The following ANKRD30B variants were observed in gnomAD, a reference collection of about 807,000 sequenced individuals.
ANKRD30B encodes the protein ankyrin repeat domain 30B.
In ANKRD30B, 144 loss-of-function variants were observed where a neutral mutation model predicts 202.2. That is an observed-to-expected ratio of 0.71 (90% CI 0.62 to 0.82). The LOEUF is 0.82. ANKRD30B is among the 40% of genes least tolerant of loss of function. The pLI is 0.00. For missense variants in ANKRD30B, 1,487 were observed against 1,669.1 expected (o/e 0.89, Z 1.90); for synonymous variants, 508 against 561.3 (o/e 0.91, Z 1.34).
At chr18:14,889,939 G>C in the ANKRD30B span, 1 of 653,354 alleles carries the variant, frequency 1.5e-6, no homozygotes, top group South Asian at 1.9e-5. Context: ...GAGATATTTC[G>C]ACAAAAATGA....
chr18:14,761,706 A>G (rs2143713479), intron 6 of ANKRD30B, among the ~76,000 whole-genome samples: 1 of 152,040 alleles, frequency 6.6e-6, no homozygotes, highest in Admixed American at 6.5e-5. Flanking sequence ...ATGAAGAAAC[A>G]TGGTTTTATT....
intron 1 of ANKRD30B, 21 bp downstream of exon 1, chr18:14,748,661 C>T (rs769007130): frequency 1.3e-6 from 2 of 1,517,446 alleles, no homozygotes; most frequent in Non-Finnish European, 1.8e-6. Flanking sequence ...CTGCCTGAGC[C>T]GGGGCTGCAG....
chr18:14,767,892 G>C (rs1471319754), intron 7 of ANKRD30B, among the ~76,000 whole-genome samples: 25 of 152,168 alleles, frequency 1.6e-4, no homozygotes, highest in Admixed American at 1.6e-3. Context: ...TGAAATCACA[G>C]AAATCAAAAC....
intron 32 of ANKRD30B, chr18:14,825,138 AC>A (rs2144130910): frequency 6.6e-6 from 1 of 152,352 alleles, no homozygotes; most frequent in African/African-American, 2.4e-5. Context: ...CTGAGCAGGC[AC>A]CAATGACTTA....
the ANKRD30B span, among the ~76,000 whole-genome samples, chr18:14,875,759 A>G: frequency 1.3e-5 from 2 of 152,322 alleles, no homozygotes; most frequent in South Asian, 2.1e-4. Context: ...ATGAAGCAGT[A>G]TCATACAGGA....
the ANKRD30B span, among the ~76,000 whole-genome samples, chr18:14,899,908 T>A: frequency 6.6e-6 from 1 of 152,176 alleles, no homozygotes; most frequent in Admixed American, 6.5e-5. Context: ...TACATAATAG[T>A]GAACATCATT....
At position 14,829,166 on chromosome 18, in the gene ANKRD30B, C is replaced by A. The variant is rs1304778852; in HGVS notation, c.2774+858C>A. The stretch of plus-strand genomic sequence containing the variant: ...ATTTCTTTCTGCCAGCCCCATTTTT[C>A]TATAGCTAAAATTAAAGCACATGGA... On this transcript the variant is annotated intron_variant, in intron 33 of 43. Transcript: ENST00000690538. Among the ~76,000 whole-genome samples, 4 of 151,950 alleles carry A rather than the reference C, an allele frequency of 2.6e-5. No homozygotes were observed. The East Asian group carries it at 7.7e-4, about 29-fold the overall frequency.
At chr18:14,855,664 A>G (rs1568081766), downstream of ANKRD30B, among the ~76,000 whole-genome samples, 2 of 147,968 alleles carry the variant, frequency 1.4e-5, no homozygotes, top group Non-Finnish European at 3.0e-5. Flanking sequence ...CACATCCCAG[A>G]CGATGGGCGG....
chr18:14,916,288 G>T, the ANKRD30B span, among the ~76,000 whole-genome samples: 1 of 152,222 alleles, frequency 6.6e-6, no homozygotes, highest in South Asian at 2.1e-4. Context: ...CGTCAGGGAG[G>T]GGGCAGATGT....
chr18:14,752,523 A>G, intron 1 of ANKRD30B, 43 bp from the exon 2 acceptor site: 4 of 1,451,130 alleles, frequency 2.8e-6, no homozygotes, highest in Admixed American at 2.0e-5. Flanking sequence ...ATGTTTTGAG[A>G]CAGTGGGCTA....
At chr18:14,758,498 G>T (rs1377161038) in intron 5 of ANKRD30B, among the ~76,000 whole-genome samples, 2 of 152,182 alleles carry the variant, frequency 1.3e-5, no homozygotes, top group African/African-American at 4.8e-5. Context: ...TACTAACACA[G>T]ATCCCTCAGT....
intron 9 of ANKRD30B, among the ~76,000 whole-genome samples, chr18:14,776,266 G>A (rs1394883745): frequency 6.6e-6 from 1 of 152,152 alleles, no homozygotes; most frequent in African/African-American, 2.4e-5. Context: ...TCCAAGATGA[G>A]GGATTATGCT....
the ANKRD30B span, among the ~76,000 whole-genome samples, chr18:14,937,504 T>G: frequency 6.6e-6 from 1 of 152,262 alleles, no homozygotes; most frequent in Non-Finnish European, 1.5e-5. Context: ...CTCCAGCCTC[T>G]GATGGACTGC....
intron 15 of ANKRD30B, among the ~76,000 whole-genome samples, chr18:14,788,649 G>GT (rs1298122097): frequency 1.3e-5 from 2 of 151,750 alleles, no homozygotes; most frequent in African/African-American, 4.8e-5. Flanking sequence ...GCGGTGTTTG[G>GT]TTTTTTGTTG....
chr18:14,748,406 A>G lies in ANKRD30B; in HGVS notation c.-14A>G, dbSNP rs1187356641. 1.0e-5 allele frequency: 15 copies of G among 1,465,402 alleles called. No homozygotes were observed. The highest frequency in any genetic ancestry group is 5.2e-5 in the Admixed American group (2 of 38,420). 90.8% of individuals were successfully genotyped at this position (1,465,402 alleles called of 1,614,324 possible). Reference sequence around the variant, plus strand: ...GCGGGAGGCGCGGGCTCTCTCTAGCAGGGGGCTGCAGCCATGAAGAGGCTC... The same window carrying G: ...GCGGGAGGCGCGGGCTCTCTCTAGCGGGGGGCTGCAGCCATGAAGAGGCTC... On this transcript the variant is annotated 5_prime_UTR_variant, in exon 1 of 44. Transcript: ENST00000690538.
chr18:14,817,758 C>T (rs1240983567), intron 30 of ANKRD30B, among the ~76,000 whole-genome samples: 1 of 152,110 alleles, frequency 6.6e-6, no homozygotes, highest in Non-Finnish European at 1.5e-5. Context: ...TCTGAGGTTT[C>T]TTCAGTGCTT....
rs34477667 is a variant in ANKRD30B at position 14,798,137 on chromosome 18, T to G, written c.2029+283T>G. On this transcript the variant is annotated intron_variant, in intron 20 of 43. Coordinates refer to ENST00000690538, the MANE Select transcript of ANKRD30B (RefSeq NM_001367607.2). ...CCAGGTGGATCAGCAGGTTGAGAAA[T>G]AATAGACACAGACAAGATAGTGAAA... 2.6e-4 allele frequency among the ~76,000 whole-genome samples: 39 copies of G among 150,876 alleles called. No homozygotes were observed. The South Asian group carries it at 5.8e-3, about 23-fold the overall frequency.
the ANKRD30B span, among the ~76,000 whole-genome samples, chr18:14,934,213 T>G: frequency 6.6e-6 from 1 of 152,332 alleles, no homozygotes; most frequent in Non-Finnish European, 1.5e-5. Flanking sequence ...GAGCCTGGCC[T>G]GGAAGGCAGG....
At position 14,748,761 on chromosome 18, in the gene ANKRD30B, G is replaced by A. The variant is rs1430871077; in HGVS notation, c.221+121G>A. ...GGGAGCAGGTGGAGGAGTGGCGGGC[G>A]ATGGGGCGGCCGTCCTGGGCCCCGA... On this transcript the variant is annotated intron_variant, in intron 1 of 43. Transcript: ENST00000690538. 6 of 1,097,874 alleles carry A rather than the reference G, an allele frequency of 5.5e-6. No individual in the cohort carries two copies. The East Asian group carries it at 8.0e-5, about 15-fold the overall frequency. The allele number at this position is 1,097,874 out of a possible 1,614,324, so 68.0% of individuals were successfully genotyped here.
Sources: allele counts gnomAD v4.1 joint callset (sites outside exome capture counted in the v4.1 genomes callset), GRCh38; gene constraint gnomAD v4.1.1; transcripts MANE v1.5; gene names NCBI Gene and HGNC (gene_info 2026-07-23, HGNC 2026-07-21).